Variants in KIAA0319 observed in about 807,000 individuals in gnomAD.
KIAA0319 encodes KIAA0319, also known as dyslexia-associated protein KIAA0319.
Under a neutral mutation model 108.4 loss-of-function variants are expected in KIAA0319, and 83 were observed. That is an observed-to-expected ratio of 0.77 (90% CI 0.64 to 0.92). KIAA0319 has a LOEUF of 0.92. Ranked by LOEUF, KIAA0319 falls within the 40% of genes least tolerant of loss-of-function variation. The probability of loss-of-function intolerance (pLI) is 0.00; values close to 1 mark genes in which losing one functional copy is unlikely to be tolerated. For synonymous variants in KIAA0319, 484 were observed against 510.4 expected (o/e 0.95, Z 0.70); for missense variants, 1,195 against 1,322.4 (o/e 0.90, Z 1.49).
chr6:24,566,662 A>G lies in KIAA0319; in HGVS notation c.2227T>C (p.Ser743Pro), dbSNP rs764543817. 3 of 1,613,688 alleles carry G rather than the reference A, an allele frequency of 1.9e-6. No individual in the cohort carries two copies. The highest frequency in any genetic ancestry group is 1.7e-5 in the Admixed American group (1 of 59,962). Reference sequence around the variant, plus strand: ...GACACAATTCTTTGGTCATCAGTAGACCTTGAACCATCCAAAGTAATGGAA... The same window carrying G: ...GACACAATTCTTTGGTCATCAGTAGGCCTTGAACCATCCAAAGTAATGGAA... ...NNSITLDGSR[S>P]TDDQRIVSYL... Residue 743 changes from serine to proline, a missense_variant, in exon 14 of 21, where the codon TCT (serine) becomes CCT (proline). Coordinates refer to ENST00000378214, the MANE Select transcript of KIAA0319 (RefSeq NM_014809.4).
intron 1 of KIAA0319, among the ~76,000 whole-genome samples, chr6:24,632,566 G>A (rs532032247): frequency 3.9e-5 from 6 of 152,322 alleles, no homozygotes; most frequent in Non-Finnish European, 7.3e-5. Context: ...CCTGGGGAGT[G>A]GTACAGAAAA....
At chr6:24,582,111 A>T in intron 6 of KIAA0319, 138 bp downstream of exon 6, 2 of 552,454 alleles carry the variant, frequency 3.6e-6, no homozygotes, top group South Asian at 2.1e-5. Flanking sequence ...GCGCTACTGC[A>T]CTCCAGCCTG....
intron 2 of KIAA0319, chr6:24,598,782 A>T (rs1252841166): frequency 3.9e-6 from 1 of 254,874 alleles, no homozygotes; most frequent in Non-Finnish European, 7.8e-6. Context: ...AGGCTGAGGC[A>T]GGAGAATTCC....
intron 1 of KIAA0319, among the ~76,000 whole-genome samples, chr6:24,624,145 C>T (rs1406591547): frequency 1.3e-5 from 2 of 148,584 alleles, no homozygotes; most frequent in African/African-American, 4.9e-5. Context: ...CCACCTCAGC[C>T]TCCTGAGTAA....
At chr6:24,630,787 C>T (rs1041144903) in intron 1 of KIAA0319, among the ~76,000 whole-genome samples, 1 of 150,866 alleles carries the variant, frequency 6.6e-6, no homozygotes, top group Admixed American at 6.6e-5. Context: ...AAAAATTATC[C>T]TTCATTGTTA....
chr6:24,551,138 C>T (rs1205110604), intron 20 of KIAA0319, among the ~76,000 whole-genome samples: 1 of 141,134 alleles, frequency 7.1e-6, no homozygotes, highest in African/African-American at 2.6e-5. Flanking sequence ...ACCACCACGC[C>T]CGGCTAATTT....
intron 1 of KIAA0319, among the ~76,000 whole-genome samples, chr6:24,630,681 G>GTATATATATATATATATATA (rs781623420): frequency 1.9e-5 from 1 of 51,992 alleles, no homozygotes; most frequent in African/African-American, 9.4e-5. Flanking sequence ...GTGTGTATAT[G>GTATATATATATATATATATA]TGTATATATA....
At chr6:24,598,474 C>T (rs112351865) in intron 2 of KIAA0319, 40 of 509,770 alleles carry the variant, frequency 7.8e-5, no homozygotes, top group African/African-American at 5.6e-4. Flanking sequence ...CAACCTATGG[C>T]AGCAGCTGGA....
chr6:24,625,070 A>G (rs1298732190), intron 1 of KIAA0319, among the ~76,000 whole-genome samples: 1 of 152,242 alleles, frequency 6.6e-6, no homozygotes, highest in Non-Finnish European at 1.5e-5. Flanking sequence ...CTCTCTAAAA[A>G]ACAGAAACAA....
At chr6:24,625,922 C>A (rs1480257054) in intron 1 of KIAA0319, among the ~76,000 whole-genome samples, 3 of 152,064 alleles carry the variant, frequency 2.0e-5, no homozygotes, top group Non-Finnish European at 2.9e-5. Flanking sequence ...TAAAGACAAC[C>A]TAAATGAATG....
chr6:24,552,915 GTTT>G (rs1247367965), intron 19 of KIAA0319, among the ~76,000 whole-genome samples: 1 of 152,006 alleles, frequency 6.6e-6, no homozygotes, highest in Non-Finnish European at 1.5e-5. Flanking sequence ...TAAAATATAC[GTTT>G]TTTAAAAATC....
intron 5 of KIAA0319, among the ~76,000 whole-genome samples, chr6:24,582,701 T>G (rs1766792519): frequency 6.6e-6 from 1 of 151,370 alleles, no homozygotes; most frequent in Non-Finnish European, 1.5e-5. Flanking sequence ...TAGTATGTGA[T>G]GAGTTTTTTC....
chr6:24,641,455 T>G (rs1044824326), intron 1 of KIAA0319, among the ~76,000 whole-genome samples: 2 of 152,116 alleles, frequency 1.3e-5, no homozygotes, highest in Non-Finnish European at 1.5e-5. Context: ...GTCAAACAGG[T>G]GGAAGAAGTC....
intron 13 of KIAA0319, 109 bp downstream of exon 13, chr6:24,568,672 C>T (rs1033880947): frequency 1.5e-5 from 17 of 1,168,590 alleles, no homozygotes; most frequent in Admixed American, 9.2e-5. Context: ...GCATCTGCTG[C>T]GAACAAATAA....
At chr6:24,640,979 A>G (rs1776841710) in intron 1 of KIAA0319, among the ~76,000 whole-genome samples, 1 of 152,124 alleles carries the variant, frequency 6.6e-6, no homozygotes, top group African/African-American at 2.4e-5. Context: ...TAAATATACA[A>G]TTTAGCAGCA....
At chr6:24,548,373 G>A (rs547241408) in intron 20 of KIAA0319, among the ~76,000 whole-genome samples, 1 of 152,282 alleles carries the variant, frequency 6.6e-6, no homozygotes, top group South Asian at 2.1e-4. Context: ...TGAATCCCAG[G>A]TTACCACACA....
Position 24,639,409 on chromosome 6 carries a change from C to G in KIAA0319, c.-106+6327G>C, listed in dbSNP as rs189256559. On this transcript the variant is annotated intron_variant, in intron 1 of 20. Coordinates refer to ENST00000378214, the MANE Select transcript of KIAA0319 (RefSeq NM_014809.4). ...AGGAACAAAAACTGCCAATCTAGAA[C>G]TTTATACTCACTGTTAGCACTCAAG... Among the ~76,000 whole-genome samples, 1,310 of 152,240 alleles carry G rather than the reference C, an allele frequency of 8.6e-3. 8 individuals carry two copies. Among genetic ancestry groups the G allele is most frequent in the Non-Finnish European group, 0.014 (953 of 68,028 alleles).
In KIAA0319 at chr6:24,563,339, C is replaced by T. The variant is rs1763361173; in HGVS notation, c.2591+20G>A. ...GAATTTTGTACGGCCAAGGCCCCGC[C>T]TTGAGTGTGCAGCTCCTACCTGAGA... On this transcript the variant is annotated intron_variant, in intron 16 of 20. Coordinates refer to ENST00000378214, the MANE Select transcript of KIAA0319 (RefSeq NM_014809.4). 6.2e-7 allele frequency: 1 copy of T among 1,603,510 alleles called. No homozygotes were observed. Among genetic ancestry groups the T allele is most frequent in the Admixed American group, 1.7e-5 (1 of 59,522 alleles).
chr6:24,611,529 G>A (rs577110095), intron 1 of KIAA0319, among the ~76,000 whole-genome samples: 42 of 152,160 alleles, frequency 2.8e-4, no homozygotes, highest in African/African-American at 8.7e-4. Flanking sequence ...TGGCTAAATT[G>A]TATCCACTAA....
Sources: allele counts gnomAD v4.1 joint callset (sites outside exome capture counted in the v4.1 genomes callset), GRCh38; gene constraint gnomAD v4.1.1; transcripts MANE v1.5; gene names NCBI Gene and HGNC (gene_info 2026-07-23, HGNC 2026-07-21).